The following CNOT2 variants were observed in gnomAD, a reference collection of about 807,000 sequenced individuals.
CNOT2 encodes CC chemokine receptor 4-negative regulator of transcription 2.
Under a neutral mutation model 72.1 loss-of-function variants are expected in CNOT2, and 7 were observed. The observed-to-expected ratio is 0.10, with a 90% CI of 0.06 to 0.18. CNOT2 has a LOEUF of 0.18. CNOT2 is among the 10% of genes least tolerant of loss of function. The probability of loss-of-function intolerance (pLI) is 1.00; values close to 1 mark genes in which losing one functional copy is unlikely to be tolerated. For synonymous variants in CNOT2, 196 were observed against 225.6 expected, an observed-to-expected ratio of 0.87 and a Z score of 1.17; for missense variants, 345 against 660.3, an observed-to-expected ratio of 0.52 and a Z score of 5.23.
intron 2 of CNOT2, among the ~76,000 whole-genome samples, chr12:70,300,164 G>A (rs1873645726): frequency 6.6e-6 from 1 of 152,160 alleles, no homozygotes; most frequent in Non-Finnish European, 1.5e-5. Flanking sequence ...CTCCCATTCT[G>A]TAGAAGCCTG....
chr12:70,322,595 C>T (rs544162370), intron 4 of CNOT2: 1 of 151,790 alleles, frequency 6.6e-6, no homozygotes, highest in East Asian at 1.9e-4. Context: ...TCTGAATTCT[C>T]AGAGGACCCA....
chr12:70,353,976 A>C lies in CNOT2; in HGVS notation c.*61A>C, dbSNP rs1311287805. 6.4e-7 allele frequency: 1 copy of C among 1,553,642 alleles called. No individual in the cohort carries two copies. The highest frequency in any genetic ancestry group is 2.2e-5 in the Admixed American group (1 of 45,712). ...CTTGGGGTATGGCTGTCTCAGCACA[A>C]TACTCAACATAACTGCAGAACTGAT... On this transcript the variant is annotated 3_prime_UTR_variant, in exon 16 of 16. Coordinates refer to ENST00000229195, the MANE Select transcript of CNOT2 (RefSeq NM_014515.7).
At chr12:70,321,524 A>G (rs1300319195) in intron 4 of CNOT2, 1 of 151,904 alleles carries the variant, frequency 6.6e-6, no homozygotes, top group Non-Finnish European at 1.5e-5. Context: ...ATAAGGAATT[A>G]GTAGGTGAGT....
intron 14 of CNOT2, chr12:70,345,704 G>A (rs1006487015): frequency 1.3e-5 from 2 of 152,150 alleles, no homozygotes; most frequent in Non-Finnish European, 2.9e-5. Context: ...AAATGCTCTA[G>A]TTTCAAGATA....
intron 6 of CNOT2, 54 bp downstream of exon 6, chr12:70,330,523 T>C: frequency 7.8e-7 from 1 of 1,284,734 alleles, no homozygotes; most frequent in South Asian, 1.5e-5. Context: ...TACTCAGATT[T>C]GCCTTTTCAT....
intron 4 of CNOT2, among the ~76,000 whole-genome samples, chr12:70,328,243 C>T (rs945258442): frequency 2.0e-5 from 3 of 151,860 alleles, no homozygotes; most frequent in Non-Finnish European, 4.4e-5. Flanking sequence ...TTTAAGATAA[C>T]GATCAGTGAG....
At chr12:70,319,243 A>G (rs377254771) in intron 3 of CNOT2, 55 bp from the exon 4 acceptor site, 28 of 1,465,484 alleles carry the variant, frequency 1.9e-5, no homozygotes, top group Non-Finnish European at 2.5e-5. Context: ...TGGAGTGTAA[A>G]TGCAATGCTC....
chr12:70,274,575 T>A (rs1307043123), intron 1 of CNOT2, among the ~76,000 whole-genome samples: 2 of 152,098 alleles, frequency 1.3e-5, no homozygotes, highest in African/African-American at 4.8e-5. Flanking sequence ...ATTGTTTAAA[T>A]ACTATTGAGT....
At chr12:70,308,861 G>C (rs990410166) in intron 2 of CNOT2, among the ~76,000 whole-genome samples, 1 of 152,086 alleles carries the variant, frequency 6.6e-6, no homozygotes, top group Non-Finnish European at 1.5e-5. Flanking sequence ...TATAAAATTT[G>C]ATGAGAGATG....
chr12:70,339,037 T>TGTGTGTGTGTGTGC (rs1391563200), intron 11 of CNOT2, among the ~76,000 whole-genome samples: 6 of 149,158 alleles, frequency 4.0e-5, no homozygotes, highest in Non-Finnish European at 8.9e-5. Context: ...TGTGTGTGTG[T>TGTGTGTGTGTGTGC]GTGTGTGTGT....
rs78825397 is a variant in CNOT2, at chr12:70,312,189, T to C, written c.171+1172T>C. On this transcript the variant is annotated intron_variant, in intron 3 of 15. Coordinates refer to ENST00000229195, the MANE Select transcript of CNOT2 (RefSeq NM_014515.7). ...ATTTTCTGTTATCTTATTGCGCTTT[T>C]AGCTATGTGCTATGTAACTTATAAT... Among the ~76,000 whole-genome samples the C allele has an allele frequency of 7.9e-5, 12 of 152,096 alleles. 1 individual carries two copies. In the East Asian group the frequency reaches 1.7e-3, roughly 22 times the overall value.
At position 70,330,570 on chromosome 12, in the gene CNOT2, A is replaced by C. The variant is rs528020547; in HGVS notation, c.569+101A>C. ...GTTCTTGAGGTGTGGCTTCTCTCTA[A>C]TAAGTGTGTTTCATCATGCATTTAT... On this transcript the variant is annotated intron_variant, in intron 6 of 15. Coordinates refer to ENST00000229195, the MANE Select transcript of CNOT2 (RefSeq NM_014515.7). 8.9e-6 allele frequency: 6 copies of C among 675,386 alleles called. No individual in the cohort carries two copies. In the South Asian group the frequency reaches 1.6e-4, roughly 18 times the overall value. The allele number at this position is 675,386 out of a possible 1,614,324, so 41.8% of individuals were successfully genotyped here.
intron 1 of CNOT2, among the ~76,000 whole-genome samples, chr12:70,274,876 G>T (rs1868492806): frequency 6.6e-6 from 1 of 151,988 alleles, no homozygotes; most frequent in African/African-American, 2.4e-5. Context: ...CCATTTTGTT[G>T]TTGAGAGTAT....
At chr12:70,253,702 A>C (rs11178159) in intron 1 of CNOT2, among the ~76,000 whole-genome samples, 6,869 of 152,180 alleles carry the variant, frequency 0.045, 663 homozygotes, top group East Asian at 0.44. Context: ...TGAAAGAAAA[A>C]GTGTTTAACT....
At chr12:70,260,824 C>G (rs1387923200) in intron 1 of CNOT2, among the ~76,000 whole-genome samples, 2 of 147,436 alleles carry the variant, frequency 1.4e-5, no homozygotes, top group Admixed American at 1.4e-4. Flanking sequence ...GGTAGTTTCA[C>G]TTCTTCTTTT....
At chr12:70,245,637 A>G (rs1957843433) in intron 1 of CNOT2, among the ~76,000 whole-genome samples, 1 of 152,176 alleles carries the variant, frequency 6.6e-6, no homozygotes, top group Admixed American at 6.5e-5. Flanking sequence ...TGGAAAAATG[A>G]GGGCAAAATG....
Position 70,259,078 on chromosome 12 carries a change from A to G in CNOT2, c.-96+15598A>G, listed in dbSNP as rs1317779122. Reference sequence around the variant, plus strand: ...ACACGAGGTTAGCTGAATTTTTCCCATTTTACAGTTGAGTAAATAAGGTAG... The same window carrying G: ...ACACGAGGTTAGCTGAATTTTTCCCGTTTTACAGTTGAGTAAATAAGGTAG... On this transcript the variant is annotated intron_variant, in intron 1 of 15. Coordinates refer to ENST00000229195, the MANE Select transcript of CNOT2 (RefSeq NM_014515.7). Among the ~76,000 whole-genome samples, 10 of 152,186 alleles carry G rather than the reference A, an allele frequency of 6.6e-5. No individual in the cohort carries two copies. In the East Asian group the frequency reaches 1.9e-3, roughly 29 times the overall value.
intron 2 of CNOT2, among the ~76,000 whole-genome samples, chr12:70,309,069 A>G (rs1875993892): frequency 6.6e-6 from 1 of 152,118 alleles, no homozygotes; most frequent in Non-Finnish European, 1.5e-5. Context: ...ATTTTTTGCC[A>G]CTGTTTCCTT....
chr12:70,281,154 C>T (rs547160801), intron 2 of CNOT2, among the ~76,000 whole-genome samples: 18 of 148,354 alleles, frequency 1.2e-4, no homozygotes, highest in Admixed American at 7.5e-4. Context: ...TGCAGTGGTG[C>T]GCTCACTGCA....
Sources: allele counts gnomAD v4.1 joint callset (sites outside exome capture counted in the v4.1 genomes callset), GRCh38; gene constraint gnomAD v4.1.1; transcripts MANE v1.5; gene names NCBI Gene and HGNC (gene_info 2026-07-23, HGNC 2026-07-21).